MYRF: variants seen among roughly 807,000 people sequenced by gnomAD.
MYRF encodes myelin gene regulatory factor.
Under a neutral mutation model 126.3 loss-of-function variants are expected in MYRF, and 16 were observed. That is an observed-to-expected ratio of 0.13 (90% CI 0.09 to 0.19). MYRF has a LOEUF of 0.19. MYRF is among the 10% of genes least tolerant of loss of function. MYRF has a pLI of 1.00. For missense variants in MYRF, 1,104 were observed against 1,547.0 expected (o/e 0.71, Z 4.80); for synonymous variants, 608 against 635.3 (o/e 0.96, Z 0.65).
In MYRF at chr11:61,776,493, C is replaced by T; in HGVS notation, c.1499+61C>T. 7.2e-7 allele frequency: 1 copy of T among 1,387,376 alleles called. No homozygotes were observed. Among genetic ancestry groups the T allele is most frequent in the Non-Finnish European group, 1.0e-6 (1 of 994,856 alleles). 85.9% of individuals were successfully genotyped at this position (1,387,376 alleles called of 1,614,324 possible). A position where few individuals can be genotyped will look rare whatever the true frequency, so the allele number is the denominator to read the frequency against. ...ATTTCTGAGGCAGGAAGACACTGCCCTGGGTGGCACACCAGGCACAGAGTC... is the reference window on the plus strand; with the variant it reads ...ATTTCTGAGGCAGGAAGACACTGCCTTGGGTGGCACACCAGGCACAGAGTC... On this transcript the variant is annotated intron_variant, in intron 10 of 26. Coordinates refer to ENST00000278836, the MANE Select transcript of MYRF (RefSeq NM_001127392.3). This position sits in a 1 kb window ranked among gnomAD's most constrained non-coding sequence, Gnocchi z 4.3.
chr11:61,766,459 G>A, intron 3 of MYRF: 1 of 493,742 alleles, frequency 2.0e-6, no homozygotes, highest in East Asian at 3.1e-5. Context: ...GATGAGGGCT[G>A]ACGTAAGTGC....
At chr11:61,768,199 T>A (rs896349299) in intron 3 of MYRF, among the ~76,000 whole-genome samples, 7 of 149,954 alleles carry the variant, frequency 4.7e-5, no homozygotes, top group African/African-American at 1.7e-4. Context: ...TGGGGAGAGG[T>A]ATTCACCAGT....
In MYRF at chr11:61,779,867, C is replaced by T; in HGVS notation, c.2273C>T (p.Ala758Val). ...SKSSSVVPDQACISQRFLQGT... is the reference protein window; with the variant it reads ...SKSSSVVPDQVCISQRFLQGT... ...TCATCGTCCGTGGTTCCGGACCAGG[C>T]CTGCATCAGCCAGCGCTTCCTGCAG... is the stretch of plus-strand genomic sequence containing the variant. Residue 758 changes from alanine (A) to valine (V), a missense_variant, in exon 17 of 27, where the codon GCC becomes GTC. Coordinates refer to ENST00000278836, the MANE Select transcript of MYRF (RefSeq NM_001127392.3). 4 of 1,614,174 alleles carry T rather than the reference C, an allele frequency of 2.5e-6. No individual in the cohort carries two copies. The highest frequency in any genetic ancestry group is 2.5e-6 in the Non-Finnish European group (3 of 1,179,998).
intron 1 of MYRF, among the ~76,000 whole-genome samples, chr11:61,760,726 G>A (rs560718955): frequency 4.6e-5 from 7 of 152,164 alleles, no homozygotes; most frequent in African/African-American, 1.7e-4. Context: ...CCTCGTTTAA[G>A]GTTCACTCCA....
chr11:61,760,743 G>C (rs1213081496), intron 1 of MYRF, among the ~76,000 whole-genome samples: 6 of 152,192 alleles, frequency 3.9e-5, no homozygotes, highest in Non-Finnish European at 5.9e-5. Flanking sequence ...TCCATGGCAG[G>C]GATTCGTGCT....
chr11:61,787,978 G>A lies in MYRF; in HGVS notation c.*1835G>A, dbSNP rs942403140. ...CTGGCTCTGTTTCCAAGCCTGGGGA[G>A]GGGTTCCTCAGTGCAGGAGTTGGGG... is the stretch of plus-strand genomic sequence containing the variant. On this transcript the variant is annotated 3_prime_UTR_variant, in exon 27 of 27. Coordinates refer to ENST00000278836, the MANE Select transcript of MYRF (RefSeq NM_001127392.3). The A allele has an allele frequency of 2.0e-5, 3 of 152,798 alleles. No individual in the cohort carries two copies. Among genetic ancestry groups the A allele is most frequent in the Non-Finnish European group, 4.4e-5 (3 of 68,152 alleles). 9.5% of individuals were successfully genotyped at this position (152,798 alleles called of 1,614,324 possible). A position where few individuals can be genotyped will look rare whatever the true frequency, so the allele number is the denominator to read the frequency against.
Position 61,771,544 on chromosome 11 carries a change from C to A in MYRF, c.785C>A (p.Pro262His), listed in dbSNP as rs757180015. 5.6e-6 allele frequency: 9 copies of A among 1,614,000 alleles called. No homozygotes were observed. The highest frequency in any genetic ancestry group is 2.2e-5 in the South Asian group (2 of 91,084). ...AAGAAGAGGAAGCACTCTGAATCCC[C>A]CCCCAGCACCCTCAATGCCCAGATG... ...PSKKRKHSES[P>H]PSTLNAQMLN... Residue 262 changes from proline (P) to histidine (H), a missense_variant, in exon 6 of 27, where the codon CCC becomes CAC. By Grantham distance (77) the Pro-to-His change is moderately conservative (BLOSUM62 -2). Around this residue, in one of 10 missense-constraint regions of MYRF, gnomAD observed 368 missense variants for 403.9 expected, o/e 0.91. Coordinates refer to ENST00000278836, the MANE Select transcript of MYRF (RefSeq NM_001127392.3).
intron 26 of MYRF, 44 bp downstream of exon 26, chr11:61,785,918 T>C: frequency 6.3e-7 from 1 of 1,591,696 alleles, no homozygotes; most frequent in Non-Finnish European, 8.6e-7. Flanking sequence ...TGGGCACCCC[T>C]GTCTGCGACG....
chr11:61,784,510 G>A, intron 25 of MYRF, 125 bp downstream of exon 25: 1 of 744,268 alleles, frequency 1.3e-6, no homozygotes, highest in South Asian at 1.8e-5. Flanking sequence ...CTCCACAAGG[G>A]ACACTCTGGG....
rs919819749 is a variant in MYRF at position 61,757,152 on chromosome 11, G to A, written c.46+4362G>A. 6.6e-6 allele frequency: 3 copies of A among 456,820 alleles called. No homozygotes were observed. Among genetic ancestry groups the A allele is most frequent in the Non-Finnish European group, 1.3e-5 (3 of 226,958 alleles). The allele number at this position is 456,820 out of a possible 1,614,324, so 28.3% of individuals were successfully genotyped here. Reference sequence around the variant, plus strand: ...AGTTTCTCTCATTGCCTTGGGTGCTGGAGTATGTGGGGCCTCCTCTCCTAT... The same window carrying A: ...AGTTTCTCTCATTGCCTTGGGTGCTAGAGTATGTGGGGCCTCCTCTCCTAT... On this transcript the variant is annotated intron_variant, in intron 1 of 26. Coordinates refer to ENST00000278836, the MANE Select transcript of MYRF (RefSeq NM_001127392.3). The surrounding 1 kb of genome is among the most constrained non-coding windows in gnomAD (Gnocchi z 4.7).
At chr11:61,773,086 A>G (rs1591109127) in intron 7 of MYRF, among the ~76,000 whole-genome samples, 1 of 148,678 alleles carries the variant, frequency 6.7e-6, no homozygotes, top group Non-Finnish European at 1.5e-5. Flanking sequence ...GCTCACTGCA[A>G]CCTCCGCCTC....
chr11:61,781,922 T>C, intron 22 of MYRF, 98 bp downstream of exon 22: 1 of 1,383,154 alleles, frequency 7.2e-7, no homozygotes, highest in East Asian at 2.5e-5. Context: ...GGGTTCAGAC[T>C]TGTCAGTCAA....
chr11:61,771,453 G>T (rs752054352), intron 5 of MYRF, 47 bp from the exon 6 acceptor site: 1 of 1,581,578 alleles, frequency 6.3e-7, no homozygotes, highest in Non-Finnish European at 8.6e-7. Context: ...CAGTGGGAGG[G>T]GCTCGGGGAG....
At chr11:61,764,649 C>T (rs779002151) in intron 1 of MYRF, among the ~76,000 whole-genome samples, 110 of 152,166 alleles carry the variant, frequency 7.2e-4, no homozygotes, top group African/African-American at 2.5e-3. Flanking sequence ...TCGGGGTTGA[C>T]GCATCTCCCA....
At chr11:61,766,844 C>T (rs1044926728) in intron 3 of MYRF, 8 of 354,692 alleles carry the variant, frequency 2.3e-5, no homozygotes, top group Non-Finnish European at 4.5e-5. Flanking sequence ...CAGCGGGAGG[C>T]TGGGAGCATG....
Position 61,781,590 on chromosome 11 carries a change from C to G in MYRF, c.2782C>G (p.Leu928Val). The change falls in exon 22 of 27, where the codon CTT (leucine) becomes GTT (valine). Residue 928 changes from leucine (L) to valine (V), a missense_variant. Leu to Val is a conservative substitution (Grantham distance 32). This residue lies in a region of MYRF where 323 missense variants were observed against 383.1 expected (regional missense o/e 0.84). Transcript: ENST00000278836. Reference sequence around the variant, plus strand: ...ATCCACAGGCCCCAGCCAGATGGCCCTTCTGCCAGTCACCAACATCAGAGC... The same window carrying G: ...ATCCACAGGCCCCAGCCAGATGGCCGTTCTGCCAGTCACCAACATCAGAGC... The part of the protein sequence containing the change: ...TNRSGPSQMA[L>V]LPVTNIRAKS... The G allele has an allele frequency of 6.2e-7, 1 of 1,613,794 alleles. No individual in the cohort carries two copies. The highest frequency in any genetic ancestry group is 8.5e-7 in the Non-Finnish European group (1 of 1,179,964).
At position 61,757,323 on chromosome 11, in the gene MYRF, C is replaced by T. The variant is rs1297839479; in HGVS notation, c.46+4533C>T. On this transcript the variant is annotated intron_variant, in intron 1 of 26. Coordinates refer to ENST00000278836, the MANE Select transcript of MYRF (RefSeq NM_001127392.3). This position sits in a 1 kb window ranked among gnomAD's most constrained non-coding sequence, Gnocchi z 4.7. Reference sequence around the variant, plus strand: ...TCTCCTGCTTACCCACAGTGCTTCTCTTGGCCGTATCAGGGCACCGCTGTG... The same window carrying T: ...TCTCCTGCTTACCCACAGTGCTTCTTTTGGCCGTATCAGGGCACCGCTGTG... 1 of 456,516 alleles carries T rather than the reference C, an allele frequency of 2.2e-6. No individual in the cohort carries two copies. The highest frequency in any genetic ancestry group is 4.4e-6 in the Non-Finnish European group (1 of 226,900). 28.3% of individuals were successfully genotyped at this position (456,516 alleles called of 1,614,324 possible).
chr11:61,784,261 T>G lies in MYRF; in HGVS notation c.3195-19T>G, dbSNP rs747751058. On this transcript the variant is annotated intron_variant, in intron 24 of 26. Coordinates refer to ENST00000278836, the MANE Select transcript of MYRF (RefSeq NM_001127392.3). ...GGACTCTAGAACCTCATTTCTCTGC[T>G]AACTGGGCCTGTCTACAGCTCCTCC... 1.6e-5 allele frequency: 26 copies of G among 1,611,062 alleles called. No individual in the cohort carries two copies. Among genetic ancestry groups the G allele is most frequent in the Non-Finnish European group, 2.0e-5 (24 of 1,178,374 alleles).
intron 1 of MYRF, among the ~76,000 whole-genome samples, chr11:61,763,834 C>G (rs2065971092): frequency 1.3e-5 from 2 of 151,914 alleles, no homozygotes; most frequent in Admixed American, 1.3e-4. Context: ...CACTGCACTC[C>G]AGCCTGGGAG....
Sources: gnomAD v4.1 joint callset for allele counts (sites outside exome capture counted in the v4.1 genomes callset) on GRCh38, gnomAD v4.1.1 for gene constraint, gnomAD v4.1.1 regional missense constraint, Gnocchi (gnomAD v3.1) non-coding constraint, MANE v1.5 for transcripts, NCBI Gene and HGNC (gene_info 2026-07-23, HGNC 2026-07-21) for gene names.